CD164: variants seen among roughly 807,000 people sequenced by gnomAD.
The protein encoded by CD164 is sialomucin core protein 24.
CD164 carries 11 observed loss-of-function variants against 24.6 expected under a neutral mutation model. That is an observed-to-expected ratio of 0.45 (90% confidence interval 0.28 to 0.74). CD164 has a LOEUF of 0.74. CD164 is among the 30% of genes least tolerant of loss of function. The pLI is 0.13. For synonymous variants in CD164, 126 were observed against 100.3 expected, an observed-to-expected ratio of 1.26 and a Z score of -1.53; for missense variants, 295 against 243.7, an observed-to-expected ratio of 1.21 and a Z score of -1.40.
intron 4 of CD164, chr6:109,370,758 T>C: frequency 3.5e-6 from 1 of 285,164 alleles, no homozygotes; most frequent in South Asian, 3.9e-5. Context: ...CTTATCTTGC[T>C]CACTGCCAAG....
chr6:109,372,413 C>T (rs1771131548), intron 4 of CD164: 1 of 152,148 alleles, frequency 6.6e-6, no homozygotes, highest in Admixed American at 6.5e-5. Flanking sequence ...TTTCACATGA[C>T]CATGAGTCAC....
intron 4 of CD164, among the ~76,000 whole-genome samples, chr6:109,375,536 G>C (rs1289736745): frequency 6.6e-6 from 1 of 150,848 alleles, no homozygotes; most frequent in Admixed American, 6.7e-5. Context: ...AGAATCGCTT[G>C]AACTTGGGAG....
Position 109,368,290 on chromosome 6 carries a change from A to C in CD164, c.*561T>G. On this transcript the variant is annotated 3_prime_UTR_variant, in exon 6 of 6. Transcript: ENST00000310786. ...CTAATGGTATCCTTTCATTTCTTTA[A>C]ATCTGGAATGTAGTTCCTTGTGTGG... The C allele has an allele frequency of 6.5e-7, 1 of 1,543,246 alleles. No individual in the cohort carries two copies. The highest frequency in any genetic ancestry group is 1.2e-5 in the South Asian group (1 of 82,708).
chr6:109,379,865 C>T (rs1038531006), intron 1 of CD164: 11 of 501,498 alleles, frequency 2.2e-5, no homozygotes, highest in African/African-American at 2.0e-4. Flanking sequence ...GAAAAACAAG[C>T]TAGTGGTCAC....
chr6:109,372,500 A>G (rs1771135936), intron 4 of CD164: 2 of 152,196 alleles, frequency 1.3e-5, no homozygotes, highest in South Asian at 4.1e-4. Flanking sequence ...ATACTGATGG[A>G]TATGTTCAGA....
In CD164 at chr6:109,377,934, A is replaced by G. The variant is rs1409823094; in HGVS notation, c.297T>C (p.Asp99=). Residue 99 remains aspartate (D), a synonymous_variant, in exon 3 of 6, where the codon GAT becomes GAC. Transcript: ENST00000310786. ...AGTCTGTCGTGTTCCCCACTTGACA[A>G]TCACTAACTGTTGAGTTATGTGAAC... The part of the protein sequence containing the change: ...SYCSHNSTVS[D]CQVGNTTDFC... 1.9e-6 allele frequency: 3 copies of G among 1,613,908 alleles called. No homozygotes were observed. Among genetic ancestry groups the G allele is most frequent in the Non-Finnish European group, 2.5e-6 (3 of 1,179,930 alleles).
At chr6:109,369,861 C>T (rs912012896) in intron 5 of CD164, among the ~76,000 whole-genome samples, 2 of 152,140 alleles carry the variant, frequency 1.3e-5, no homozygotes, top group Non-Finnish European at 2.9e-5. Context: ...GGATTCCTAA[C>T]CTGTGTACCT....
In CD164 at chr6:109,378,243, A is replaced by T. The variant is rs35452836; in HGVS notation, c.260-272T>A. Among the ~76,000 whole-genome samples the T allele has an allele frequency of 0.31, 47,337 of 152,050 alleles. 7,425 individuals are homozygous for T. Among genetic ancestry groups the T allele is most frequent in the Middle Eastern group, 0.38 (113 of 294 alleles). On this transcript the variant is annotated intron_variant, in intron 2 of 5. Transcript: ENST00000310786. ...CTGAAAAAATAAATCTGCAACACTT[A>T]GATCTCAGAATTGTGGGAAGACTAC...
chr6:109,373,134 C>T (rs1319611564), intron 4 of CD164, among the ~76,000 whole-genome samples: 1 of 151,964 alleles, frequency 6.6e-6, no homozygotes, highest in African/African-American at 2.4e-5. Context: ...CTGAATTAGT[C>T]CCATCAGAGT....
chr6:109,377,594 TGCAAGATGCA>T (rs1771482300), intron 3 of CD164, among the ~76,000 whole-genome samples: 1 of 150,830 alleles, frequency 6.6e-6, no homozygotes, highest in Non-Finnish European at 1.5e-5. Flanking sequence ...TTCCCAGACC[TGCAAGATGCA>T]AACATAGCGG....
At position 109,382,260 on chromosome 6, in the gene CD164, G is replaced by A. The variant is rs1158527629; in HGVS notation, c.119C>T (p.Ser40Phe). 4 of 1,590,468 alleles carry A rather than the reference G, an allele frequency of 2.5e-6. No individual in the cohort carries two copies. Among genetic ancestry groups the A allele is most frequent in the African/African-American group, 2.7e-5 (2 of 74,476 alleles). ...HPNVTTLAPISNVTSAPVTSL... is the reference protein window; with the variant it reads ...HPNVTTLAPIFNVTSAPVTSL... ...CGTCACCGGCGCCGAGGTTACGTTG[G>A]AGATGGGCGCTAAAGTCGTCACGTT... Residue 40 changes from serine (S) to phenylalanine (F), a missense_variant, in exon 1 of 6, where the codon TCC becomes TTC. Transcript: ENST00000310786.
chr6:109,379,242 C>A (rs557091298), intron 2 of CD164, among the ~76,000 whole-genome samples: 2 of 152,142 alleles, frequency 1.3e-5, no homozygotes, highest in African/African-American at 4.8e-5. Flanking sequence ...TGAGGAAGCA[C>A]GCATCTGTAG....
Position 109,368,219 on chromosome 6 carries a change from T to C in CD164, c.*632A>G. The C allele has an allele frequency of 2.8e-6, 4 of 1,433,832 alleles. No individual in the cohort carries two copies. In the Middle Eastern group the frequency reaches 5.2e-4, roughly 187 times the overall value. 88.8% of individuals were successfully genotyped at this position (1,433,832 alleles called of 1,614,324 possible). A position where few individuals can be genotyped will look rare whatever the true frequency, so the allele number is the denominator to read the frequency against. On this transcript the variant is annotated 3_prime_UTR_variant, in exon 6 of 6. Coordinates refer to ENST00000310786, the MANE Select transcript of CD164 (RefSeq NM_006016.6). ...AAGGCACTGTTCTTTATATTCTCAA[T>C]GACATAAGATGCTTTACAAGTATGA...
chr6:109,368,539 C>T lies in CD164; in HGVS notation c.*312G>A, dbSNP rs1187965896. On this transcript the variant is annotated 3_prime_UTR_variant, in exon 6 of 6. Coordinates refer to ENST00000310786, the MANE Select transcript of CD164 (RefSeq NM_006016.6). ...GAGCCATGATGTTGTCTGCACAAGACAACATTTTCCATCACTTTCAGAAAG... is the reference window on the plus strand; with the variant it reads ...GAGCCATGATGTTGTCTGCACAAGATAACATTTTCCATCACTTTCAGAAAG... 1 of 1,337,856 alleles carries T rather than the reference C, an allele frequency of 7.5e-7. No homozygotes were observed. Among genetic ancestry groups the T allele is most frequent in the Non-Finnish European group, 9.5e-7 (1 of 1,050,246 alleles). 82.9% of individuals were successfully genotyped at this position (1,337,856 alleles called of 1,614,324 possible).
chr6:109,374,134 T>C (rs1225157007), intron 4 of CD164, among the ~76,000 whole-genome samples: 4 of 152,184 alleles, frequency 2.6e-5, no homozygotes, highest in African/African-American at 4.8e-5. Context: ...CCCTTAGACA[T>C]TACTGTTTCC....
chr6:109,368,295 G>A lies in CD164; in HGVS notation c.*556C>T. 1 of 1,542,358 alleles carries A rather than the reference G, an allele frequency of 6.5e-7. No homozygotes were observed. The highest frequency in any genetic ancestry group is 8.8e-7 in the Non-Finnish European group (1 of 1,142,844). ...GGTATCCTTTCATTTCTTTAAATCT[G>A]GAATGTAGTTCCTTGTGTGGCATCT... is the stretch of plus-strand genomic sequence containing the variant. On this transcript the variant is annotated 3_prime_UTR_variant, in exon 6 of 6. Coordinates refer to ENST00000310786, the MANE Select transcript of CD164 (RefSeq NM_006016.6).
Position 109,376,088 on chromosome 6 carries a change from G to A in CD164, c.356C>T (p.Thr119Ile). 6.4e-7 allele frequency: 1 copy of A among 1,570,054 alleles called. No homozygotes were observed. The highest frequency in any genetic ancestry group is 8.6e-7 in the Non-Finnish European group (1 of 1,168,740). Residue 119 changes from threonine to isoleucine, a missense_variant, in exon 4 of 6, where the codon ACA (threonine) becomes ATA (isoleucine). Physicochemically the swap from Thr to Ile is moderately conservative, Grantham distance 89. Transcript: ENST00000310786. ...TCTTGAATTACCTGTAGAATTGGCT[G>A]TTGGCACTGGAGTGGCCGTGGAAAC... ...CSVSTATPVP[T>I]ANSTAKPTVQ...
In CD164 at chr6:109,370,456, C is replaced by G. The variant is rs1402290191; in HGVS notation, c.382G>C (p.Val128Leu). 1.6e-5 allele frequency: 26 copies of G among 1,612,590 alleles called. No homozygotes were observed. Among genetic ancestry groups the G allele is most frequent in the Non-Finnish European group, 2.0e-5 (24 of 1,179,356 alleles). The stretch of plus-strand genomic sequence containing the variant: ...GAAGTTGTAGAAGGGGAGGGCTGAA[C>G]TGTGGGTTTAGCTGGAATGAAAACA... ...PTANSTAKPT[V>L]QPSPSTTSKT... The change falls in exon 5 of 6, where the codon GTT becomes CTT. Residue 128 changes from valine (V) to leucine (L), a missense_variant. Val to Leu is a conservative substitution (Grantham distance 32). Transcript: ENST00000310786.
chr6:109,381,870 C>T, intron 1 of CD164: 1 of 478,726 alleles, frequency 2.1e-6, no homozygotes, highest in South Asian at 2.9e-5. Flanking sequence ...GCTGCCCCCG[C>T]GGAAGGAAGC....
Sources: gnomAD v4.1 joint callset for allele counts (sites outside exome capture counted in the v4.1 genomes callset) on GRCh38, gnomAD v4.1.1 for gene constraint, MANE v1.5 for transcripts, NCBI Gene and HGNC (gene_info 2026-07-23, HGNC 2026-07-21) for gene names.